Variants in NEB observed in about 807,000 individuals in gnomAD.
NEB encodes nebulin.
Under a neutral mutation model 952.2 loss-of-function variants are expected in NEB, and 512 were observed. That is an observed-to-expected ratio of 0.54 (90% CI 0.50 to 0.58). The LOEUF (loss-of-function observed/expected upper bound fraction) is 0.58. Among genes scored for constraint, NEB ranks in the 20% least tolerant of loss-of-function variants. The pLI is 0.00. For synonymous variants in NEB, 2,900 were observed against 3,149.8 expected (o/e 0.92, Z 2.66); for missense variants, 8,428 against 9,231.1 (o/e 0.91, Z 3.56).
chr2:151,562,816 G>GT lies in NEB; in HGVS notation c.18694-9dup, dbSNP rs753417927. 4.6e-5 allele frequency: 71 copies of GT among 1,536,428 alleles called. No individual in the cohort carries two copies. Among genetic ancestry groups the GT allele is most frequent in the Non-Finnish European group, 6.3e-5 (71 of 1,132,222 alleles). On this transcript the variant is annotated splice_polypyrimidine_tract_variant and intron_variant, in intron 119 of 181. Transcript: ENST00000397345. ...ATGTTTTCTGTAGTTCAACTAATAT[G>GT]TTTTAAAGACAAAAATAAGAAAGGG...
rs191411275 is a variant in NEB at position 151,548,125 on chromosome 2, T to C, written c.20157+183A>G. ...TATGGAACCGAGTCTCTCCAAGGCA[T>C]TACCAAATACAAAAAACCACTACCA... On this transcript the variant is annotated intron_variant, in intron 131 of 181. Transcript: ENST00000397345. 2.3e-3 allele frequency among the ~76,000 whole-genome samples: 352 copies of C among 152,310 alleles called. 3 individuals are homozygous for C. Among genetic ancestry groups the C allele is most frequent in the African/African-American group, 8.0e-3 (334 of 41,560 alleles).
intron 24 of NEB, chr2:151,690,504 A>G: frequency 2.3e-6 from 1 of 437,464 alleles, no homozygotes; most frequent in Non-Finnish European, 4.2e-6. Flanking sequence ...ACTAAAAATC[A>G]GTGAGTTATT....
rs548279259 is a variant in NEB, at chr2:151,495,657, A to T, written c.24486+619T>A. Reference sequence around the variant, plus strand: ...AAAGTTTGCAGTTAAAGACTACAGTAAAACTAAAGAACAACAACAACAACA... The same window carrying T: ...AAAGTTTGCAGTTAAAGACTACAGTTAAACTAAAGAACAACAACAACAACA... On this transcript the variant is annotated intron_variant, in intron 173 of 181. Coordinates refer to ENST00000397345, the MANE Select transcript of NEB (RefSeq NM_001164508.2). Among the ~76,000 whole-genome samples the T allele has an allele frequency of 3.9e-5, 6 of 152,080 alleles. No individual in the cohort carries two copies. The East Asian group carries it at 1.2e-3, about 29-fold the overall frequency.
At chr2:151,697,509 T>C in intron 14 of NEB, 35 bp downstream of exon 14, 1 of 1,608,198 alleles carries the variant, frequency 6.2e-7, no homozygotes, top group South Asian at 1.1e-5. Flanking sequence ...ATGGGTTCTT[T>C]TTTTAACAGA....
intron 12 of NEB, among the ~76,000 whole-genome samples, chr2:151,707,566 T>A (rs1286041448): frequency 6.6e-6 from 1 of 152,128 alleles, no homozygotes; most frequent in Admixed American, 6.5e-5. Flanking sequence ...CCTTCTGCTG[T>A]TCCTATTTGC....
chr2:151,620,819 C>T, intron 72 of NEB, 100 bp downstream of exon 72: 1 of 879,304 alleles, frequency 1.1e-6, no homozygotes, highest in East Asian at 2.7e-5. Flanking sequence ...TGCCTATGCA[C>T]TGAAGGGAGT....
At chr2:151,725,742 C>T (rs1414628341) in intron 5 of NEB, among the ~76,000 whole-genome samples, 182 bp from the exon 6 acceptor site, 1 of 152,124 alleles carries the variant, frequency 6.6e-6, no homozygotes, top group Non-Finnish European at 1.5e-5. Context: ...ATTGCTTCTC[C>T]TAAACATGGT....
chr2:151,710,937 A>C (rs1246790520), intron 10 of NEB, among the ~76,000 whole-genome samples: 4 of 152,104 alleles, frequency 2.6e-5, no homozygotes, highest in Admixed American at 2.0e-4. Flanking sequence ...CTTTACAAAC[A>C]CTCCTAGTTT....
intron 181 of NEB, among the ~76,000 whole-genome samples, chr2:151,486,987 AAAG>A (rs1468408399): frequency 6.6e-6 from 1 of 152,216 alleles, no homozygotes; most frequent in East Asian, 1.9e-4. Flanking sequence ...GGTTGGAAAA[AAAG>A]CTTAAAATCA....
intron 65 of NEB, among the ~76,000 whole-genome samples, chr2:151,632,798 A>T (rs2098695758): frequency 6.6e-6 from 1 of 152,108 alleles, no homozygotes; most frequent in East Asian, 1.9e-4. Flanking sequence ...GGTAATCCAG[A>T]GAAGGTGCCC....
chr2:151,674,679 C>A, intron 35 of NEB, 95 bp from the exon 36 acceptor site: 1 of 893,078 alleles, frequency 1.1e-6, no homozygotes, highest in South Asian at 1.4e-5. Flanking sequence ...TTGAAGGAAT[C>A]CCTCATAGCA....
intron 13 of NEB, among the ~76,000 whole-genome samples, chr2:151,705,051 T>C (rs2099699489): frequency 6.6e-6 from 1 of 152,202 alleles, no homozygotes; most frequent in Admixed American, 6.5e-5. Flanking sequence ...CAATTGCAAG[T>C]TGTTTAATTT....
intron 102 of NEB, 81 bp from the exon 103 acceptor site, chr2:151,581,668 A>C: frequency 1.3e-6 from 2 of 1,487,234 alleles, no homozygotes; most frequent in Non-Finnish European, 1.8e-6. Context: ...AAGTCATAAA[A>C]CATACTTGAA....
intron 124 of NEB, among the ~76,000 whole-genome samples, chr2:151,557,958 C>A (rs182266681): frequency 6.6e-6 from 1 of 152,178 alleles, no homozygotes; most frequent in Non-Finnish European, 1.5e-5. Flanking sequence ...AAAACTGGCA[C>A]AAGACAGGGA....
At chr2:151,729,768 CT>C (rs1033542890) in intron 3 of NEB, 112 bp from the exon 4 acceptor site, 2 of 1,142,180 alleles carry the variant, frequency 1.8e-6, no homozygotes, top group Admixed American at 1.7e-5. Flanking sequence ...TTTGGAATGT[CT>C]GTGGGAAAGG....
chr2:151,569,209 G>A (rs954793184), intron 110 of NEB, 59 bp downstream of exon 110: 1 of 1,345,918 alleles, frequency 7.4e-7, no homozygotes, highest in East Asian at 2.3e-5. Flanking sequence ...ATTTTAGCTT[G>A]TGCATTTTGT....
At chr2:151,701,344 T>C (rs1445890465) in intron 13 of NEB, among the ~76,000 whole-genome samples, 2 of 152,046 alleles carry the variant, frequency 1.3e-5, no homozygotes, top group African/African-American at 2.4e-5. Flanking sequence ...GTTGTGTCTC[T>C]CCCTGGCTTT....
chr2:151,685,518 A>G (rs879068072), intron 27 of NEB, among the ~76,000 whole-genome samples: 1 of 152,204 alleles, frequency 6.6e-6, no homozygotes, highest in Admixed American at 6.5e-5. Flanking sequence ...GGTTGTTTTC[A>G]TATCAAGTTC....
chr2:151,507,979 G>T (rs1470791029), intron 162 of NEB, 26 bp downstream of exon 162: 1 of 1,533,296 alleles, frequency 6.5e-7, no homozygotes, highest in Non-Finnish European at 8.9e-7. Flanking sequence ...CCTGTGGGCT[G>T]TGCCTTACAT....
Sources: gnomAD v4.1 joint callset for allele counts (sites outside exome capture counted in the v4.1 genomes callset) on GRCh38, gnomAD v4.1.1 for gene constraint, MANE v1.5 for transcripts, NCBI Gene and HGNC (gene_info 2026-07-23, HGNC 2026-07-21) for gene names.